RASA2: variants seen among roughly 807,000 people sequenced by gnomAD.
RASA2 encodes the protein ras GTPase-activating protein 2.
In RASA2, 155 loss-of-function variants were observed where a neutral mutation model predicts 118.2. That is an observed-to-expected ratio of 1.31 (90% CI 1.15 to 1.50). RASA2 has a LOEUF of 1.50. Among genes scored for constraint, RASA2 ranks in the 40% most tolerant of loss-of-function variants. The pLI is 0.00. For missense variants in RASA2, 1,016 were observed against 1,009.6 expected, an observed-to-expected ratio of 1.01 and a Z score of -0.09; for synonymous variants, 353 against 349.1, an observed-to-expected ratio of 1.01 and a Z score of -0.12.
intron 19 of RASA2, among the ~76,000 whole-genome samples, chr3:141,593,830 A>G (rs781682792): frequency 2.0e-5 from 3 of 152,188 alleles, no homozygotes; most frequent in Non-Finnish European, 4.4e-5. Flanking sequence ...ATCACCAATG[A>G]TGTAACTTCA....
At chr3:141,549,593 A>T (rs554306280) in intron 5 of RASA2, among the ~76,000 whole-genome samples, 1 of 152,256 alleles carries the variant, frequency 6.6e-6, no homozygotes, top group African/African-American at 2.4e-5. Context: ...TGTCCAAAAC[A>T]GTAGCCACTA....
At chr3:141,521,703 T>TA (rs1381126127) in intron 3 of RASA2, among the ~76,000 whole-genome samples, 1 of 152,152 alleles carries the variant, frequency 6.6e-6, no homozygotes, top group African/African-American at 2.4e-5. Context: ...TGATAACTTT[T>TA]TCTTAAATGT....
At chr3:141,555,728 C>G (rs990221997) in intron 6 of RASA2, 112 bp from the exon 7 acceptor site, 2 of 809,866 alleles carry the variant, frequency 2.5e-6, no homozygotes, top group Non-Finnish European at 2.0e-6. Flanking sequence ...TGAATCTTCC[C>G]TGAGTCACCT....
intron 1 of RASA2, among the ~76,000 whole-genome samples, chr3:141,498,734 A>T (rs2081737876): frequency 6.6e-6 from 1 of 152,102 alleles, no homozygotes; most frequent in Non-Finnish European, 1.5e-5. Context: ...CATATCCCAT[A>T]TATAGCCTGT....
intron 19 of RASA2, among the ~76,000 whole-genome samples, chr3:141,604,453 A>G (rs2083515712): frequency 6.6e-6 from 1 of 152,162 alleles, no homozygotes; most frequent in South Asian, 2.1e-4. Context: ...TCTCCATTCA[A>G]GCTGGGAAAG....
At position 141,522,898 on chromosome 3, in the gene RASA2, C is replaced by T. The variant is rs149139903; in HGVS notation, c.355+6467C>T. Among the ~76,000 whole-genome samples, 1,113 of 152,098 alleles carry T rather than the reference C, an allele frequency of 7.3e-3. 14 individuals are homozygous for T. The highest frequency in any genetic ancestry group is 0.026 in the African/African-American group (1,066 of 41,472). ...TCAGGATGTTTCTGGTAGTTTCAGTCTGAAGTATCACTTTCTCCATTTTTA... is the reference window on the plus strand; with the variant it reads ...TCAGGATGTTTCTGGTAGTTTCAGTTTGAAGTATCACTTTCTCCATTTTTA... On this transcript the variant is annotated intron_variant, in intron 3 of 23. Coordinates refer to ENST00000286364, the MANE Select transcript of RASA2 (RefSeq NM_006506.5).
chr3:141,587,579 T>C (rs1424302522), intron 19 of RASA2, among the ~76,000 whole-genome samples: 1 of 152,068 alleles, frequency 6.6e-6, no homozygotes, highest in African/African-American at 2.4e-5. Context: ...CTGGGCATGG[T>C]GGCGCATGCC....
At chr3:141,512,138 A>C (rs1429979690) in intron 1 of RASA2, 25 bp from the exon 2 acceptor site, 1 of 1,494,768 alleles carries the variant, frequency 6.7e-7, no homozygotes, top group South Asian at 1.2e-5. Context: ...ATATTTAATA[A>C]CAATTTTAAA....
In RASA2 at chr3:141,487,153, C is replaced by T; in HGVS notation, c.70C>T (p.Pro24Ser). ...EAPAASATAE[P>S]EAGDQDSREV... The stretch of plus-strand genomic sequence containing the variant: ...GCCAGCGGCGAGTGCGACTGCAGAG[C>T]CCGAGGCCGGGGACCAGGACAGTCG... Residue 24 changes from proline to serine, a missense_variant, in exon 1 of 24, where the codon CCC becomes TCC. By Grantham distance (74) the Pro-to-Ser change is moderately conservative. Around this residue, in one of 2 missense-constraint regions of RASA2, gnomAD observed 896 missense variants for 836.4 expected, o/e 1.07. Transcript: ENST00000286364. The T allele has an allele frequency of 1.4e-6, 2 of 1,465,104 alleles. No homozygotes were observed. The highest frequency in any genetic ancestry group is 1.3e-5 in the South Asian group (1 of 76,522). 90.8% of individuals were successfully genotyped at this position (1,465,104 alleles called of 1,614,324 possible). A position where few individuals can be genotyped will look rare whatever the true frequency, so the allele number is the denominator to read the frequency against.
At chr3:141,500,630 T>C (rs2081765218) in intron 1 of RASA2, among the ~76,000 whole-genome samples, 1 of 152,230 alleles carries the variant, frequency 6.6e-6, no homozygotes, top group African/African-American at 2.4e-5. Context: ...AGTTAAGTGT[T>C]GGTTCTAACA....
intron 19 of RASA2, among the ~76,000 whole-genome samples, chr3:141,607,411 A>G (rs931037612): frequency 2.0e-5 from 3 of 152,150 alleles, no homozygotes; most frequent in African/African-American, 7.2e-5. Context: ...TACGTTCTAC[A>G]CAGAGATCAA....
At chr3:141,514,501 G>A (rs1006715027) in intron 2 of RASA2, among the ~76,000 whole-genome samples, 1 of 152,122 alleles carries the variant, frequency 6.6e-6, no homozygotes, top group Admixed American at 6.5e-5. Flanking sequence ...TTACATAGGT[G>A]TATACATTTA....
intron 4 of RASA2, among the ~76,000 whole-genome samples, chr3:141,538,517 T>C (rs1306318629): frequency 2.6e-5 from 4 of 152,184 alleles, no homozygotes; most frequent in Admixed American, 2.6e-4. Flanking sequence ...AAGTTAACAT[T>C]ATAGTATGTA....
chr3:141,567,274 G>A (rs906204951), intron 9 of RASA2, among the ~76,000 whole-genome samples: 7 of 151,948 alleles, frequency 4.6e-5, no homozygotes, highest in African/African-American at 1.7e-4. Flanking sequence ...AAATTAGCCC[G>A]GTGTGGTGGC....
rs886124144 is a variant in RASA2 at position 141,612,313 on chromosome 3, G to A, written c.2550G>A (p.Ter850=). 3.8e-6 allele frequency: 6 copies of A among 1,584,618 alleles called. No individual in the cohort carries two copies. Among genetic ancestry groups the A allele is most frequent in the Non-Finnish European group, 5.2e-6 (6 of 1,159,532 alleles). Reference sequence around the variant, plus strand: ...ATCCAATTGTTGGGAAAGCATCTTAGAGTTTAACAGATTGGTTCAGAAGAA... The same window carrying A: ...ATCCAATTGTTGGGAAAGCATCTTAAAGTTTAACAGATTGGTTCAGAAGAA... The part of the protein sequence containing the change: ...KENPIVGKAS[*] The change falls in exon 24 of 24, where the codon TAG becomes TAA. Residue 850 remains the stop codon, a stop_retained_variant. Transcript: ENST00000286364.
Position 141,592,826 on chromosome 3 carries a change from A to T in RASA2, c.1933+6074A>T, listed in dbSNP as rs1027450598. Among the ~76,000 whole-genome samples the T allele has an allele frequency of 2.6e-5, 4 of 152,222 alleles. No homozygotes were observed. The East Asian group carries it at 7.7e-4, about 29-fold the overall frequency. On this transcript the variant is annotated intron_variant, in intron 19 of 23. Transcript: ENST00000286364. ...AGAACTCTTTTTGAGGAAAAAAAAG[A>T]AGTAAAGAAGGGGAACAGAAAATGA...
intron 19 of RASA2, among the ~76,000 whole-genome samples, chr3:141,593,694 A>T (rs539009666): frequency 4.6e-5 from 7 of 152,262 alleles, no homozygotes; most frequent in Non-Finnish European, 8.8e-5. Context: ...TAGAGAGCTT[A>T]GCAAACACTT....
rs949049584 is a variant in RASA2 at position 141,609,948 on chromosome 3, G to A, written c.2401G>A (p.Glu801Lys). The A allele has an allele frequency of 2.5e-6, 4 of 1,607,328 alleles. No homozygotes were observed. Among genetic ancestry groups the A allele is most frequent in the African/African-American group, 1.3e-5 (1 of 74,510 alleles). ...EPDDYSNFVIEDSVTTFKTIQ... is the reference protein window; with the variant it reads ...EPDDYSNFVIKDSVTTFKTIQ... ...TGATGATTATTCTAACTTTGTAATC[G>A]AGGATTCTGTAACAACCTTTAAGAC... is the stretch of plus-strand genomic sequence containing the variant. The change falls in exon 23 of 24, where the codon GAG becomes AAG. Residue 801 changes from glutamate (E) to lysine (K), a missense_variant. Glu to Lys is a moderately conservative substitution (Grantham distance 56). This residue lies in a region of RASA2 where 120 missense variants were observed against 173.2 expected (regional missense o/e 0.69). Transcript: ENST00000286364.
At chr3:141,568,331 G>A (rs1190146830) in intron 9 of RASA2, among the ~76,000 whole-genome samples, 1 of 151,958 alleles carries the variant, frequency 6.6e-6, no homozygotes, top group Non-Finnish European at 1.5e-5. Flanking sequence ...AATAGGCTCA[G>A]AACTCATTTA....
Sources: allele counts gnomAD v4.1 joint callset (sites outside exome capture counted in the v4.1 genomes callset), GRCh38; gene constraint gnomAD v4.1.1; regional missense constraint gnomAD v4.1.1; transcripts MANE v1.5; gene names NCBI Gene and HGNC (gene_info 2026-07-23, HGNC 2026-07-21).